Variants in SPAG16 observed in about 807,000 individuals in gnomAD.
SPAG16 encodes sperm associated antigen 16, also known as sperm-associated antigen 16 protein.
Under a neutral mutation model 80.4 loss-of-function variants are expected in SPAG16, and 86 were observed. The observed-to-expected ratio is 1.07, with a 90% CI of 0.90 to 1.28. The LOEUF (loss-of-function observed/expected upper bound fraction) is 1.28. Among genes scored for constraint, SPAG16 ranks in the 50% most tolerant of loss-of-function variants. The probability of loss-of-function intolerance (pLI) is 0.00; values close to 1 mark genes in which losing one functional copy is unlikely to be tolerated. For missense variants in SPAG16, 870 were observed against 765.3 expected (o/e 1.14, Z -1.61); for synonymous variants, 294 against 265.9 (o/e 1.11, Z -1.03).
chr2:214,275,297 T>C (rs1177418308), intron 15 of SPAG16, among the ~76,000 whole-genome samples: 1 of 152,238 alleles, frequency 6.6e-6, no homozygotes, highest in African/African-American at 2.4e-5. Flanking sequence ...TCTATCTCCT[T>C]CAGATCTGCT....
At chr2:213,923,201 G>A (rs2078304021) in intron 11 of SPAG16, among the ~76,000 whole-genome samples, 1 of 139,744 alleles carries the variant, frequency 7.2e-6, no homozygotes, top group Non-Finnish European at 1.6e-5. Context: ...GGGTTGGTGG[G>A]GATGCTTGTC....
At chr2:214,027,636 C>G (rs1017714768) in intron 13 of SPAG16, among the ~76,000 whole-genome samples, 3 of 151,824 alleles carry the variant, frequency 2.0e-5, no homozygotes, top group Non-Finnish European at 4.4e-5. Context: ...TTCCCCCATT[C>G]TTACCACTTA....
At chr2:214,362,363 AAG>A (rs1201006394) in intron 15 of SPAG16, among the ~76,000 whole-genome samples, 2 of 151,892 alleles carry the variant, frequency 1.3e-5, no homozygotes, top group Non-Finnish European at 2.9e-5. Flanking sequence ...ATGTTTAAGG[AAG>A]AGGTCATACA....
At position 213,653,236 on chromosome 2, in the gene SPAG16, G is replaced by A. The variant is rs537128221; in HGVS notation, c.1070+163146G>A. 1.6e-4 allele frequency among the ~76,000 whole-genome samples: 25 copies of A among 152,254 alleles called. No individual in the cohort carries two copies. The South Asian group carries it at 5.0e-3, about 30-fold the overall frequency. On this transcript the variant is annotated intron_variant, in intron 10 of 15. Transcript: ENST00000331683. ...TGGATAACCTCTACCTTTGGTTAAC[G>A]ATATTTTGAAATACTGATGTAATTA...
intron 13 of SPAG16, among the ~76,000 whole-genome samples, chr2:214,034,529 C>A (rs886402488): frequency 6.6e-6 from 1 of 152,160 alleles, no homozygotes; most frequent in African/African-American, 2.4e-5. Context: ...CTGCCAAGGG[C>A]AAGTGGAGCA....
At chr2:213,679,490 G>A (rs889203837) in intron 10 of SPAG16, among the ~76,000 whole-genome samples, 5 of 152,058 alleles carry the variant, frequency 3.3e-5, no homozygotes, top group African/African-American at 9.7e-5. Flanking sequence ...TTGCCTTAAC[G>A]TCCTTTTTTC....
chr2:214,357,779 G>A (rs1175416727), intron 15 of SPAG16, among the ~76,000 whole-genome samples: 1 of 151,698 alleles, frequency 6.6e-6, no homozygotes. Context: ...TGTGACCTCT[G>A]TTTCATAATA....
At chr2:213,937,888 T>C (rs1401768025) in intron 12 of SPAG16, among the ~76,000 whole-genome samples, 1 of 151,924 alleles carries the variant, frequency 6.6e-6, no homozygotes, top group Non-Finnish European at 1.5e-5. Flanking sequence ...TATACATGGA[T>C]CAATAATAAA....
chr2:213,723,218 C>A (rs537881763), intron 10 of SPAG16, among the ~76,000 whole-genome samples: 47 of 152,288 alleles, frequency 3.1e-4, no homozygotes, highest in Non-Finnish European at 6.8e-4. Context: ...TACTCTTTAT[C>A]ATCCAGTAAG....
chr2:213,982,610 GGTGTGTGTGTGT>G (rs57529616), intron 12 of SPAG16, among the ~76,000 whole-genome samples: 13 of 141,924 alleles, frequency 9.2e-5, no homozygotes, highest in Middle Eastern at 3.4e-3. Context: ...TATAGTTTCT[GGTGTGTGTGTGT>G]GTGTGTGTGT....
At chr2:214,365,402 C>G (rs1699414939) in intron 15 of SPAG16, among the ~76,000 whole-genome samples, 1 of 152,128 alleles carries the variant, frequency 6.6e-6, no homozygotes, top group African/African-American at 2.4e-5. Context: ...GCCATTTTGA[C>G]TGATTGGAAG....
intron 15 of SPAG16, among the ~76,000 whole-genome samples, chr2:214,191,225 G>C (rs560950594): frequency 5.9e-5 from 9 of 152,156 alleles, no homozygotes; most frequent in African/African-American, 2.2e-4. Context: ...GATTTAGTGA[G>C]AAAAAAGGCA....
intron 1 of SPAG16, among the ~76,000 whole-genome samples, chr2:213,294,048 ATGTT>A (rs2062403039): frequency 2.0e-5 from 3 of 152,156 alleles, no homozygotes; most frequent in Admixed American, 6.5e-5. Flanking sequence ...TTATAACTGA[ATGTT>A]TGTGCAACGT....
chr2:214,208,619 C>T (rs1043000943), intron 15 of SPAG16, among the ~76,000 whole-genome samples: 3 of 152,160 alleles, frequency 2.0e-5, no homozygotes, highest in Non-Finnish European at 2.9e-5. Context: ...TTTCAACTCT[C>T]CCACTGTGTA....
chr2:214,208,114 T>G (rs1170824177), intron 15 of SPAG16, among the ~76,000 whole-genome samples: 1 of 152,214 alleles, frequency 6.6e-6, no homozygotes, highest in African/African-American at 2.4e-5. Flanking sequence ...CTCTCTTTCA[T>G]ATATACATAT....
At chr2:213,673,505 A>G (rs2063905798) in intron 10 of SPAG16, among the ~76,000 whole-genome samples, 1 of 152,202 alleles carries the variant, frequency 6.6e-6, no homozygotes, top group South Asian at 2.1e-4. Context: ...TCCATACAGT[A>G]GGCTGTTTTA....
chr2:213,423,175 T>C (rs918677606), intron 9 of SPAG16, among the ~76,000 whole-genome samples: 5 of 152,222 alleles, frequency 3.3e-5, no homozygotes, highest in Non-Finnish European at 4.4e-5. Flanking sequence ...TATTTTATGA[T>C]AGATTTTGAT....
chr2:213,620,494 G>A (rs1423003681), intron 10 of SPAG16, among the ~76,000 whole-genome samples: 1 of 151,648 alleles, frequency 6.6e-6, no homozygotes, highest in Non-Finnish European at 1.5e-5. Context: ...GGGTTTCACC[G>A]TGTTAGCCAG....
At chr2:213,600,097 T>G (rs1446097892) in intron 10 of SPAG16, among the ~76,000 whole-genome samples, 1 of 151,988 alleles carries the variant, frequency 6.6e-6, no homozygotes, top group Non-Finnish European at 1.5e-5. Context: ...TGGTTTAAAG[T>G]TCATACTTAA....
Sources: allele counts gnomAD v4.1 joint callset (sites outside exome capture counted in the v4.1 genomes callset), GRCh38; gene constraint gnomAD v4.1.1; transcripts MANE v1.5; gene names NCBI Gene and HGNC (gene_info 2026-07-23, HGNC 2026-07-21).